The following CDK5R2 variants were observed in gnomAD, a reference collection of about 807,000 sequenced individuals.
CDK5R2 encodes cyclin-dependent kinase 5 activator 2.
Under a neutral mutation model 23.1 loss-of-function variants are expected in CDK5R2, and 7 were observed. The ratio of observed to expected loss-of-function variants is 0.30; its 90% confidence interval spans 0.17 to 0.57. The LOEUF is 0.57. Among genes scored for constraint, CDK5R2 ranks in the 20% least tolerant of loss-of-function variants. The pLI, the probability that CDK5R2 is intolerant of heterozygous loss-of-function variation, is 0.91. For synonymous variants in CDK5R2, 242 were observed against 264.9 expected (o/e 0.91, Z 0.84); for missense variants, 380 against 537.6 (o/e 0.71, Z 2.90).
chr2:218,959,892 G>T lies in CDK5R2; in HGVS notation c.72G>T (p.Glu24Asp). 1 of 1,454,984 alleles carries T rather than the reference G, an allele frequency of 6.9e-7. No homozygotes were observed. The highest frequency in any genetic ancestry group is 9.0e-7 in the Non-Finnish European group (1 of 1,115,110). The allele number at this position is 1,454,984 out of a possible 1,614,324, so 90.1% of individuals were successfully genotyped here. A position where few individuals can be genotyped will look rare whatever the true frequency, so the allele number is the denominator to read the frequency against. Residue 24 changes from glutamate to aspartate, a missense_variant, in exon 1 of 1, where the codon GAG becomes GAT. Transcript: ENST00000302625. This position sits in a 1 kb window ranked among gnomAD's most constrained non-coding sequence, Gnocchi z 4.0. ...GGAGGCCCGGCGGGCTGCCCGAGGA[G>T]AAGAAGAAGGCGCCGCCCGCGGGGG... ...KGRRPGGLPE[E>D]KKKAPPAGDE...
In CDK5R2 at chr2:218,960,060, CAAG is replaced by C; in HGVS notation, c.244_246del (p.Lys82del). On this transcript the variant is annotated inframe_deletion, in exon 1 of 1. Coordinates refer to ENST00000302625, the MANE Select transcript of CDK5R2 (RefSeq NM_003936.5). ...CGTCCGCCAAGAAGAAGAAAGGCAG[CAAG>C]AAGGTGACACCCAAGCCGGCATCCA... 1 of 1,603,408 alleles carries C rather than the reference CAAG, an allele frequency of 6.2e-7. No individual in the cohort carries two copies. The highest frequency in any genetic ancestry group is 1.7e-5 in the Admixed American group (1 of 58,516).
chr2:218,961,728 G>A lies in CDK5R2; in HGVS notation c.*804G>A, dbSNP rs894719961. 3 of 167,166 alleles carry A rather than the reference G, an allele frequency of 1.8e-5. No homozygotes were observed. The highest frequency in any genetic ancestry group is 4.8e-5 in the African/African-American group (2 of 41,444). The allele number at this position is 167,166 out of a possible 1,614,324, so 10.4% of individuals were successfully genotyped here. ...TTTTCCAACGTGTTGCATGCTGGGA[G>A]CTGGGGGGTGTGGGGGAAGGGGCTG... is the stretch of plus-strand genomic sequence containing the variant. On this transcript the variant is annotated 3_prime_UTR_variant, in exon 1 of 1. Transcript: ENST00000302625. This position sits in a 1 kb window ranked among gnomAD's most constrained non-coding sequence, Gnocchi z 4.4.
Position 218,960,867 on chromosome 2 carries a change from C to T in CDK5R2, c.1047C>T (p.Ala349=). The T allele has an allele frequency of 6.7e-7, 1 of 1,482,910 alleles. No individual in the cohort carries two copies. Among genetic ancestry groups the T allele is most frequent in the Non-Finnish European group, 8.9e-7 (1 of 1,129,750 alleles). 91.9% of individuals were successfully genotyped at this position (1,482,910 alleles called of 1,614,324 possible). ...GGGGCGCGCCCGCCGCCTCCTCGGCCGCCAGGGACAGCTGCGCGGCCGGAA... is the reference window on the plus strand; with the variant it reads ...GGGGCGCGCCCGCCGCCTCCTCGGCTGCCAGGGACAGCTGCGCGGCCGGAA... ...PSGGAPAASS[A]ARDSCAAGTK... The change falls in exon 1 of 1, where the codon GCC becomes GCT. Residue 349 remains alanine, a synonymous_variant. Coordinates refer to ENST00000302625, the MANE Select transcript of CDK5R2 (RefSeq NM_003936.5).
chr2:218,961,232 C>T lies in CDK5R2; in HGVS notation c.*308C>T, dbSNP rs1241582459. ...GTCTCCCCCTTCCCTTCAGCCCATTCCCCCTCGGTTTTATCCATTTCCTTG... is the reference window on the plus strand; with the variant it reads ...GTCTCCCCCTTCCCTTCAGCCCATTTCCCCTCGGTTTTATCCATTTCCTTG... On this transcript the variant is annotated 3_prime_UTR_variant, in exon 1 of 1. Transcript: ENST00000302625. This position sits in a 1 kb window ranked among gnomAD's most constrained non-coding sequence, Gnocchi z 4.4. The T allele has an allele frequency of 3.0e-6, 1 of 337,656 alleles. No individual in the cohort carries two copies. Among genetic ancestry groups the T allele is most frequent in the Admixed American group, 5.0e-5 (1 of 19,950 alleles). The allele number at this position is 337,656 out of a possible 1,614,324, so 20.9% of individuals were successfully genotyped here.
chr2:218,959,887 G>A lies in CDK5R2; in HGVS notation c.67G>A (p.Glu23Lys), dbSNP rs1198154277. 7 of 1,450,382 alleles carry A rather than the reference G, an allele frequency of 4.8e-6. No homozygotes were observed. Among genetic ancestry groups the A allele is most frequent in the Admixed American group, 2.8e-5 (1 of 35,418 alleles). The allele number at this position is 1,450,382 out of a possible 1,614,324, so 89.8% of individuals were successfully genotyped here. The change falls in exon 1 of 1, where the codon GAG becomes AAG. Residue 23 changes from glutamate (E) to lysine (K), a missense_variant. Transcript: ENST00000302625. The surrounding 1 kb of genome is among the most constrained non-coding windows in gnomAD (Gnocchi z 4.0). ...AKGRRPGGLP[E>K]EKKKAPPAGD... Reference sequence around the variant, plus strand: ...GGGCCGGAGGCCCGGCGGGCTGCCCGAGGAGAAGAAGAAGGCGCCGCCCGC... The same window carrying A: ...GGGCCGGAGGCCCGGCGGGCTGCCCAAGGAGAAGAAGAAGGCGCCGCCCGC...
At position 218,959,724 on chromosome 2, in the gene CDK5R2, G is replaced by T; in HGVS notation, c.-97G>T. 9 of 1,208,808 alleles carry T rather than the reference G, an allele frequency of 7.4e-6. No homozygotes were observed. The highest frequency in any genetic ancestry group is 9.2e-6 in the Non-Finnish European group (9 of 973,304). 74.9% of individuals were successfully genotyped at this position (1,208,808 alleles called of 1,614,324 possible). A position where few individuals can be genotyped will look rare whatever the true frequency, so the allele number is the denominator to read the frequency against. ...CCGCCAGTCCGCGCGCCCGGGCCGG[G>T]GCTAGGCCCCCCACCGCCGGGTCCC... is the stretch of plus-strand genomic sequence containing the variant. On this transcript the variant is annotated 5_prime_UTR_variant, in exon 1 of 1. Coordinates refer to ENST00000302625, the MANE Select transcript of CDK5R2 (RefSeq NM_003936.5). The surrounding 1 kb of genome is among the most constrained non-coding windows in gnomAD (Gnocchi z 4.0).
Position 218,961,037 on chromosome 2 carries a change from G to C in CDK5R2, c.*113G>C, listed in dbSNP as rs1034985438. On this transcript the variant is annotated 3_prime_UTR_variant, in exon 1 of 1. Transcript: ENST00000302625. The surrounding 1 kb of genome is among the most constrained non-coding windows in gnomAD (Gnocchi z 4.4). ...CCGCCGCTCAGCGCCCCGGCTGGGC[G>C]GAGGAGGAGACGCCCATGCCCCTCA... 1.1e-5 allele frequency: 6 copies of C among 540,906 alleles called. No homozygotes were observed. Among genetic ancestry groups the C allele is most frequent in the Non-Finnish European group, 1.8e-5 (6 of 324,978 alleles). The allele number at this position is 540,906 out of a possible 1,614,324, so 33.5% of individuals were successfully genotyped here. A position where few individuals can be genotyped will look rare whatever the true frequency, so the allele number is the denominator to read the frequency against.
In CDK5R2 at chr2:218,960,317, C is replaced by T; in HGVS notation, c.497C>T (p.Ala166Val). 1 of 1,474,576 alleles carries T rather than the reference C, an allele frequency of 6.8e-7. No individual in the cohort carries two copies. Among genetic ancestry groups the T allele is most frequent in the Non-Finnish European group, 8.9e-7 (1 of 1,120,714 alleles). The allele number at this position is 1,474,576 out of a possible 1,614,324, so 91.3% of individuals were successfully genotyped here. A position where few individuals can be genotyped will look rare whatever the true frequency, so the allele number is the denominator to read the frequency against. The change falls in exon 1 of 1, where the codon GCG becomes GTG. Residue 166 changes from alanine (A) to valine (V), a missense_variant. Ala to Val is a moderately conservative substitution (Grantham distance 64). This residue lies in a region of CDK5R2 where 124 missense variants were observed against 235.5 expected (regional missense o/e 0.53). Coordinates refer to ENST00000302625, the MANE Select transcript of CDK5R2 (RefSeq NM_003936.5). Reference protein sequence around the residue: ...PPPPPPAPQVAPPVPGGSPRR... With the variant: ...PPPPPPAPQVVPPVPGGSPRR... Reference sequence around the variant, plus strand: ...CCGCCTCCCCCAGCCCCGCAGGTGGCGCCGCCGGTGCCTGGCGGCTCGCCG... The same window carrying T: ...CCGCCTCCCCCAGCCCCGCAGGTGGTGCCGCCGGTGCCTGGCGGCTCGCCG...
chr2:218,960,060 C>T lies in CDK5R2; in HGVS notation c.240C>T (p.Ser80=), dbSNP rs1186911080. 7 of 1,603,408 alleles carry T rather than the reference C, an allele frequency of 4.4e-6. No homozygotes were observed. The African/African-American group carries it at 9.4e-5, about 22-fold the overall frequency. Residue 80 remains serine, a synonymous_variant, in exon 1 of 1, where the codon AGC becomes AGT. Coordinates refer to ENST00000302625, the MANE Select transcript of CDK5R2 (RefSeq NM_003936.5). ...VAASAKKKKG[S]KKVTPKPAST... ...CGTCCGCCAAGAAGAAGAAAGGCAGCAAGAAGGTGACACCCAAGCCGGCAT... is the reference window on the plus strand; with the variant it reads ...CGTCCGCCAAGAAGAAGAAAGGCAGTAAGAAGGTGACACCCAAGCCGGCAT...
Position 218,959,705 on chromosome 2 carries a change from G to C in CDK5R2, c.-116G>C, listed in dbSNP as rs947619160. On this transcript the variant is annotated 5_prime_UTR_variant, in exon 1 of 1. Coordinates refer to ENST00000302625, the MANE Select transcript of CDK5R2 (RefSeq NM_003936.5). The surrounding 1 kb of genome is among the most constrained non-coding windows in gnomAD (Gnocchi z 4.0). ...GCCTAGCAGCCACCTTCCCCCGCCA[G>C]TCCGCGCGCCCGGGCCGGGGCTAGG... 5.6e-4 allele frequency: 662 copies of C among 1,181,992 alleles called. No homozygotes were observed. Among genetic ancestry groups the C allele is most frequent in the Non-Finnish European group, 6.3e-4 (599 of 951,868 alleles). The allele number at this position is 1,181,992 out of a possible 1,614,324, so 73.2% of individuals were successfully genotyped here. A position where few individuals can be genotyped will look rare whatever the true frequency, so the allele number is the denominator to read the frequency against.
chr2:218,959,778 C>A lies in CDK5R2; in HGVS notation c.-43C>A. 3 of 1,236,060 alleles carry A rather than the reference C, an allele frequency of 2.4e-6. No individual in the cohort carries two copies. Among genetic ancestry groups the A allele is most frequent in the Non-Finnish European group, 2.0e-6 (2 of 991,376 alleles). The allele number at this position is 1,236,060 out of a possible 1,614,324, so 76.6% of individuals were successfully genotyped here. A position where few individuals can be genotyped will look rare whatever the true frequency, so the allele number is the denominator to read the frequency against. ...GGGCTGCAGTAGCAGCGGCGCCGCC[C>A]GCGGCTCCCGCTGGGGCCTGGGCGC... On this transcript the variant is annotated 5_prime_UTR_variant, in exon 1 of 1. Transcript: ENST00000302625. The surrounding 1 kb of genome is among the most constrained non-coding windows in gnomAD (Gnocchi z 4.0).
At position 218,959,945 on chromosome 2, in the gene CDK5R2, C is replaced by A; in HGVS notation, c.125C>A (p.Pro42Gln). 1 of 1,522,212 alleles carries A rather than the reference C, an allele frequency of 6.6e-7. No homozygotes were observed. Among genetic ancestry groups the A allele is most frequent in the East Asian group, 2.6e-5 (1 of 39,186 alleles). The allele number at this position is 1,522,212 out of a possible 1,614,324, so 94.3% of individuals were successfully genotyped here. A position where few individuals can be genotyped will look rare whatever the true frequency, so the allele number is the denominator to read the frequency against. ...GDEALGGYGA[P>Q]PVGKGGKGES... is the part of the protein sequence containing the mutation. ...GAGGCGCTGGGGGGCTACGGGGCGCCGCCAGTGGGCAAGGGCGGCAAAGGC... is the reference window on the plus strand; with the variant it reads ...GAGGCGCTGGGGGGCTACGGGGCGCAGCCAGTGGGCAAGGGCGGCAAAGGC... The change falls in exon 1 of 1, where the codon CCG becomes CAG. Residue 42 changes from proline (P) to glutamine (Q), a missense_variant. Pro to Gln is a moderately conservative substitution (Grantham distance 76). Coordinates refer to ENST00000302625, the MANE Select transcript of CDK5R2 (RefSeq NM_003936.5). This position sits in a 1 kb window ranked among gnomAD's most constrained non-coding sequence, Gnocchi z 4.0.
chr2:218,960,855 C>G lies in CDK5R2; in HGVS notation c.1035C>G (p.Ala345=), dbSNP rs1945199249. 1.3e-6 allele frequency: 2 copies of G among 1,492,770 alleles called. No individual in the cohort carries two copies. The highest frequency in any genetic ancestry group is 2.6e-5 in the East Asian group (1 of 38,342). 92.5% of individuals were successfully genotyped at this position (1,492,770 alleles called of 1,614,324 possible). ...GGGPPSGGAP[A]ASSAARDSCA... Reference sequence around the variant, plus strand: ...GCCCACCGAGCGGGGGCGCGCCCGCCGCCTCCTCGGCCGCCAGGGACAGCT... The same window carrying G: ...GCCCACCGAGCGGGGGCGCGCCCGCGGCCTCCTCGGCCGCCAGGGACAGCT... The change falls in exon 1 of 1, where the codon GCC becomes GCG. Residue 345 remains alanine (A), a synonymous_variant. Transcript: ENST00000302625.
Position 218,959,885 on chromosome 2 carries a change from C to T in CDK5R2, c.65C>T (p.Pro22Leu). The change falls in exon 1 of 1, where the codon CCC becomes CTC. Residue 22 changes from proline to leucine, a missense_variant. By Grantham distance (98) the Pro-to-Leu change is moderately conservative. This residue lies in a region of CDK5R2 where 197 missense variants were observed against 246.4 expected (regional missense o/e 0.80). Coordinates refer to ENST00000302625, the MANE Select transcript of CDK5R2 (RefSeq NM_003936.5). This position sits in a 1 kb window ranked among gnomAD's most constrained non-coding sequence, Gnocchi z 4.0. ...SAKGRRPGGL[P>L]EEKKKAPPAG... is the part of the protein sequence containing the mutation. ...AAGGGCCGGAGGCCCGGCGGGCTGC[C>T]CGAGGAGAAGAAGAAGGCGCCGCCC... 1 of 1,448,670 alleles carries T rather than the reference C, an allele frequency of 6.9e-7. No homozygotes were observed. Among genetic ancestry groups the T allele is most frequent in the South Asian group, 1.5e-5 (1 of 68,072 alleles). The allele number at this position is 1,448,670 out of a possible 1,614,324, so 89.7% of individuals were successfully genotyped here.
chr2:218,961,016 C>T lies in CDK5R2; in HGVS notation c.*92C>T. On this transcript the variant is annotated 3_prime_UTR_variant, in exon 1 of 1. Transcript: ENST00000302625. The surrounding 1 kb of genome is among the most constrained non-coding windows in gnomAD (Gnocchi z 4.4). The stretch of plus-strand genomic sequence containing the variant: ...ACAAAGCCACCGCCGCTGTTACCGC[C>T]GCTCAGCGCCCCGGCTGGGCGGAGG... 1.6e-6 allele frequency: 1 copy of T among 621,980 alleles called. No homozygotes were observed. The highest frequency in any genetic ancestry group is 2.5e-6 in the Non-Finnish European group (1 of 396,230). 38.5% of individuals were successfully genotyped at this position (621,980 alleles called of 1,614,324 possible).
In CDK5R2 at chr2:218,960,703, C is replaced by G; in HGVS notation, c.883C>G (p.Gln295Glu). Reference sequence around the variant, plus strand: ...GGAGCCCGACAAGGAGCGCTTCTGGCAGCGCTGCCTGCGCCTCATCCAGCG... The same window carrying G: ...GGAGCCCGACAAGGAGCGCTTCTGGGAGCGCTGCCTGCGCCTCATCCAGCG... ...LVEPDKERFW[Q>E]RCLRLIQRLS... The change falls in exon 1 of 1, where the codon CAG becomes GAG. Residue 295 changes from glutamine (Q) to glutamate (E), a missense_variant. By Grantham distance (29) the Gln-to-Glu change is conservative. Coordinates refer to ENST00000302625, the MANE Select transcript of CDK5R2 (RefSeq NM_003936.5). 6.2e-7 allele frequency: 1 copy of G among 1,614,012 alleles called. No individual in the cohort carries two copies. Among genetic ancestry groups the G allele is most frequent in the South Asian group, 1.1e-5 (1 of 91,080 alleles).
At position 218,960,924 on chromosome 2, in the gene CDK5R2, G is replaced by A; in HGVS notation, c.1104G>A (p.Ter368=). The part of the protein sequence containing the change: ...TKHWTMNLDR[*] ...ACTGGACTATGAACCTGGACCGCTAGGGATACCCAGGGGCCGCGCCCATCC... is the reference window on the plus strand; with the variant it reads ...ACTGGACTATGAACCTGGACCGCTAAGGATACCCAGGGGCCGCGCCCATCC... The change falls in exon 1 of 1, where the codon TAG becomes TAA. Residue 368 remains the stop codon, a stop_retained_variant. Coordinates refer to ENST00000302625, the MANE Select transcript of CDK5R2 (RefSeq NM_003936.5). 1 of 1,385,566 alleles carries A rather than the reference G, an allele frequency of 7.2e-7. No homozygotes were observed. The highest frequency in any genetic ancestry group is 9.5e-7 in the Non-Finnish European group (1 of 1,057,366). The allele number at this position is 1,385,566 out of a possible 1,614,324, so 85.8% of individuals were successfully genotyped here.
In CDK5R2 at chr2:218,960,322, C is replaced by T; in HGVS notation, c.502C>T (p.Pro168Ser). Reference protein sequence around the residue: ...PPPPAPQVAPPVPGGSPRRVI... With the variant: ...PPPPAPQVAPSVPGGSPRRVI... ...TCCCCCAGCCCCGCAGGTGGCGCCG[C>T]CGGTGCCTGGCGGCTCGCCGCGGCG... is the stretch of plus-strand genomic sequence containing the variant. Residue 168 changes from proline to serine, a missense_variant, in exon 1 of 1, where the codon CCG becomes TCG. Coordinates refer to ENST00000302625, the MANE Select transcript of CDK5R2 (RefSeq NM_003936.5). 6.7e-7 allele frequency: 1 copy of T among 1,483,176 alleles called. No homozygotes were observed. The highest frequency in any genetic ancestry group is 8.9e-7 in the Non-Finnish European group (1 of 1,124,248). The allele number at this position is 1,483,176 out of a possible 1,614,324, so 91.9% of individuals were successfully genotyped here.
Position 218,961,879 on chromosome 2 carries a change from C to G in CDK5R2, c.*955C>G, listed in dbSNP as rs1351394819. The G allele has an allele frequency of 6.0e-6, 1 of 166,934 alleles. No homozygotes were observed. Among genetic ancestry groups the G allele is most frequent in the African/African-American group, 2.4e-5 (1 of 41,412 alleles). 10.3% of individuals were successfully genotyped at this position (166,934 alleles called of 1,614,324 possible). ...CTTACCTTGGAGGAGGGACATCCCG[C>G]TTCCTTATCCTTAGCTTTTTTGTTG... On this transcript the variant is annotated 3_prime_UTR_variant, in exon 1 of 1. Transcript: ENST00000302625. The surrounding 1 kb of genome is among the most constrained non-coding windows in gnomAD (Gnocchi z 4.4).
Sources: allele counts gnomAD v4.1 joint callset, GRCh38; gene constraint gnomAD v4.1.1; regional missense constraint gnomAD v4.1.1; non-coding constraint Gnocchi (gnomAD v3.1); transcripts MANE v1.5; gene names NCBI Gene and HGNC (gene_info 2026-07-23, HGNC 2026-07-21).